SLFN13: variants seen among roughly 807,000 people sequenced by gnomAD.
SLFN13 encodes schlafen-13.
SLFN13 carries 43 observed loss-of-function variants against 50.6 expected under a neutral mutation model. The ratio of observed to expected loss-of-function variants is 0.85; its 90% CI spans 0.67 to 1.09. SLFN13 has a LOEUF of 1.09. SLFN13 is among the 50% of genes least tolerant of loss of function. The pLI is 0.00. For missense variants in SLFN13, 881 were observed against 1,071.1 expected (o/e 0.82, Z 2.48); for synonymous variants, 339 against 386.5 (o/e 0.88, Z 1.44).
rs779968714 is a variant in SLFN13 at position 35,442,079 on chromosome 17, G to A, written c.1406C>T (p.Thr469Ile). The change falls in exon 5 of 6, where the codon ACC (threonine) becomes ATC (isoleucine). Residue 469 changes from threonine (T) to isoleucine (I), a missense_variant. This residue lies in a region of SLFN13 where 15 missense variants were observed against 29.0 expected (regional missense o/e 0.52). Transcript: ENST00000285013. ...CDALLIAQNS[T>I]PILYTILREQ... is the part of the protein sequence containing the mutation. ...CCTGAGAATGGTGTAGAGAATGGGG[G>A]TGCTGTTCTGTGCTATCAGCAGAGC... 6.2e-7 allele frequency: 1 copy of A among 1,614,270 alleles called. No individual in the cohort carries two copies. Among genetic ancestry groups the A allele is most frequent in the Non-Finnish European group, 8.5e-7 (1 of 1,180,024 alleles).
chr17:35,441,329 A>C lies in SLFN13; in HGVS notation c.1960T>G (p.Phe654Val). 1.9e-6 allele frequency: 3 copies of C among 1,611,808 alleles called. No homozygotes were observed. Among genetic ancestry groups the C allele is most frequent in the Non-Finnish European group, 2.5e-6 (3 of 1,179,376 alleles). The change falls in exon 6 of 6, where the codon TTC becomes GTC. Residue 654 changes from phenylalanine (F) to valine (V), a missense_variant. Around this residue, in one of 5 missense-constraint regions of SLFN13, gnomAD observed 322 missense variants for 327.4 expected, o/e 0.98. Transcript: ENST00000285013. ...NICRAETRET[F>V]LREKFEHIQH... The stretch of plus-strand genomic sequence containing the variant: ...ATGTGTTCAAATTTTTCTCTTAGGA[A>C]AGTTTCCCGGGTCTCTGCTCGGCAG...
At position 35,442,197 on chromosome 17, in the gene SLFN13, GC is replaced by G; in HGVS notation, c.1287del (p.Lys429AsnfsTer11). 1.9e-6 allele frequency: 3 copies of G among 1,614,184 alleles called. No homozygotes were observed. The highest frequency in any genetic ancestry group is 2.5e-6 in the Non-Finnish European group (3 of 1,180,020). On this transcript the variant is annotated frameshift_variant, in exon 5 of 6. Coordinates refer to ENST00000285013, the MANE Select transcript of SLFN13 (RefSeq NM_144682.6). LOFTEE classifies it high-confidence loss of function. ...ATTCCCTGGGAGAAAGGTCGCATTTGCTTGTGTATTAACTCCTTTAGTCCTT... is the reference window on the plus strand; with the variant it reads ...ATTCCCTGGGAGAAAGGTCGCATTTGTTGTGTATTAACTCCTTTAGTCCTT... The part of the protein sequence containing the change: ...QHEGLKELIH[K>X]QMRPFSQGIV...
At chr17:35,443,743 T>C in intron 4 of SLFN13, 46 bp downstream of exon 4, 1 of 1,585,568 alleles carries the variant, frequency 6.3e-7, no homozygotes, top group Non-Finnish European at 8.6e-7. Context: ...ACGAAATGTA[T>C]TAAATGACTT....
In SLFN13 at chr17:35,443,893, A is replaced by C; in HGVS notation, c.1094T>G (p.Phe365Cys). ...PEFPPDFAEA[F>C]ESQLSLSDSP... ...GTCAGATAGACTCAACTGAGACTCA[A>C]AGGCCTCAGCAAAGTCTGGAGGAAA... The change falls in exon 4 of 6, where the codon TTT (phenylalanine) becomes TGT (cysteine). Residue 365 changes from phenylalanine to cysteine, a missense_variant. Physicochemically the swap from Phe to Cys is radical, Grantham distance 205. Transcript: ENST00000285013. 1 of 1,613,848 alleles carries C rather than the reference A, an allele frequency of 6.2e-7. No homozygotes were observed. The highest frequency in any genetic ancestry group is 8.5e-7 in the Non-Finnish European group (1 of 1,179,786).
intron 3 of SLFN13, 92 bp from the exon 4 acceptor site, chr17:35,444,012 C>A: frequency 7.5e-7 from 1 of 1,335,120 alleles, no homozygotes; most frequent in Non-Finnish European, 1.0e-6. Flanking sequence ...TTTCATCTAA[C>A]ATGGTACAAG....
intron 4 of SLFN13, among the ~76,000 whole-genome samples, chr17:35,443,289 C>A (rs932665829): frequency 1.3e-5 from 2 of 152,194 alleles, no homozygotes; most frequent in Admixed American, 6.5e-5. Context: ...TCCCTCTAGC[C>A]TCTTCCAAAG....
At position 35,440,622 on chromosome 17, in the gene SLFN13, T is replaced by C; in HGVS notation, c.2667A>G (p.Ala889=). ...PNILICLASR[A]KQHLYIFL ...ACAGAAAAATATATAGGTGCTGTTT[T>C]GCCCTGGAAGCCAGACAGATCAGAA... The change falls in exon 6 of 6, where the codon GCA becomes GCG. Residue 889 remains alanine (A), a synonymous_variant. Transcript: ENST00000285013. 6.2e-7 allele frequency: 1 copy of C among 1,614,182 alleles called. No homozygotes were observed.
Position 35,438,326 on chromosome 17 carries a change from C to G in SLFN13, c.*2269G>C, listed in dbSNP as rs553552271. On this transcript the variant is annotated 3_prime_UTR_variant, in exon 6 of 6. Coordinates refer to ENST00000285013, the MANE Select transcript of SLFN13 (RefSeq NM_144682.6). ...ATATATAAGCTAAACATTTCCTCATCATATGGAAAAAGAAGAAAGCATCAG... is the reference window on the plus strand; with the variant it reads ...ATATATAAGCTAAACATTTCCTCATGATATGGAAAAAGAAGAAAGCATCAG... 3.2e-4 allele frequency: 48 copies of G among 151,766 alleles called. 1 individual carries two copies. The highest frequency in any genetic ancestry group is 1.0e-3 in the African/African-American group (42 of 41,468). 9.4% of individuals were successfully genotyped at this position (151,766 alleles called of 1,614,324 possible).
Position 35,445,629 on chromosome 17 carries a change from C to T in SLFN13, c.52G>A (p.Val18Ile), listed in dbSNP as rs772082057. Reference sequence around the variant, plus strand: ...AGAGTCACTTCTCCGACATCGATGACCAGGTCTGGGTAAGATGGATACACA... The same window carrying T: ...AGAGTCACTTCTCCGACATCGATGATCAGGTCTGGGTAAGATGGATACACA... ...LGVYPSYPDL[V>I]IDVGEVTLGE... is the part of the protein sequence containing the mutation. Residue 18 changes from valine (V) to isoleucine (I), a missense_variant, in exon 3 of 6, where the codon GTC (valine) becomes ATC (isoleucine). Val to Ile is a conservative substitution (Grantham distance 29, BLOSUM62 3). Coordinates refer to ENST00000285013, the MANE Select transcript of SLFN13 (RefSeq NM_144682.6). The T allele has an allele frequency of 3.1e-6, 5 of 1,613,964 alleles. No individual in the cohort carries two copies. The Admixed American group carries it at 8.3e-5, about 27-fold the overall frequency.
intron 4 of SLFN13, 31 bp downstream of exon 4, chr17:35,443,758 C>T (rs1913044362): frequency 1.3e-6 from 2 of 1,595,392 alleles, no homozygotes; most frequent in African/African-American, 2.7e-5. Flanking sequence ...TGACTTCCTT[C>T]TCTCCTGATG....
intron 4 of SLFN13, among the ~76,000 whole-genome samples, chr17:35,443,535 T>G (rs1281465529): frequency 6.6e-6 from 1 of 152,166 alleles, no homozygotes; most frequent in Non-Finnish European, 1.5e-5. Context: ...AATTAAGCGT[T>G]CATAAGTTCT....
At position 35,441,601 on chromosome 17, in the gene SLFN13, G is replaced by A; in HGVS notation, c.1884C>T (p.Leu628=). The part of the protein sequence containing the change: ...NVFHCEAHRI[L]YVCENQPLRN... ...TCAGAGGCTGGTTTTCACAAACGTA[G>A]AGAATTCTGTGTGCCTCACAGTGAA... The change falls in exon 5 of 6, where the codon CTC becomes CTT. Residue 628 remains leucine (L), a synonymous_variant. Coordinates refer to ENST00000285013, the MANE Select transcript of SLFN13 (RefSeq NM_144682.6). 1 of 1,586,676 alleles carries A rather than the reference G, an allele frequency of 6.3e-7. No individual in the cohort carries two copies. Among genetic ancestry groups the A allele is most frequent in the East Asian group, 2.2e-5 (1 of 44,808 alleles).
In SLFN13 at chr17:35,438,909, T is replaced by C. The variant is rs1912713552; in HGVS notation, c.*1686A>G. On this transcript the variant is annotated 3_prime_UTR_variant, in exon 6 of 6. Transcript: ENST00000285013. ...GTAATTGCATTAGCATTGTTAAGTATCAGTGTTTTTAGTTTGATGAATGAT... is the reference window on the plus strand; with the variant it reads ...GTAATTGCATTAGCATTGTTAAGTACCAGTGTTTTTAGTTTGATGAATGAT... 1 of 152,164 alleles carries C rather than the reference T, an allele frequency of 6.6e-6. No homozygotes were observed. The highest frequency in any genetic ancestry group is 1.5e-5 in the Non-Finnish European group (1 of 68,026). The allele number at this position is 152,164 out of a possible 1,614,324, so 9.4% of individuals were successfully genotyped here.
Position 35,443,879 on chromosome 17 carries a change from T to C in SLFN13, c.1108A>G (p.Ser370Gly). 4 of 1,613,910 alleles carry C rather than the reference T, an allele frequency of 2.5e-6. No homozygotes were observed. The highest frequency in any genetic ancestry group is 2.2e-5 in the South Asian group (2 of 91,064). Reference sequence around the variant, plus strand: ...CAAAGTGAAGGACTGTCAGATAGACTCAACTGAGACTCAAAGGCCTCAGCA... The same window carrying C: ...CAAAGTGAAGGACTGTCAGATAGACCCAACTGAGACTCAAAGGCCTCAGCA... ...DFAEAFESQL[S>G]LSDSPSLCRP... The change falls in exon 4 of 6, where the codon AGT (serine) becomes GGT (glycine). Residue 370 changes from serine to glycine, a missense_variant. Transcript: ENST00000285013.
At position 35,435,323 on chromosome 17, in the gene SLFN13, TG is replaced by T. The variant is rs1471019780; in HGVS notation, c.*5271del. The stretch of plus-strand genomic sequence containing the variant: ...CGGGGAGGGGGTTGGGGGGTTGTTC[TG>T]GTTGTTTTTAGCCCACTGCAGCCTT... On this transcript the variant is annotated 3_prime_UTR_variant, in exon 6 of 6. Coordinates refer to ENST00000285013, the MANE Select transcript of SLFN13 (RefSeq NM_144682.6). The T allele has an allele frequency of 2.0e-5, 3 of 152,118 alleles. No homozygotes were observed. The highest frequency in any genetic ancestry group is 3.9e-4 in the East Asian group (2 of 5,190). 9.4% of individuals were successfully genotyped at this position (152,118 alleles called of 1,614,324 possible).
chr17:35,441,746 T>C lies in SLFN13; in HGVS notation c.1739A>G (p.Gln580Arg), dbSNP rs1912908900. The part of the protein sequence containing the change: ...GCEVLNLLTA[Q>R]QYEIFSRSLR... ...GCTTCTGGAGAATATCTCATACTGC[T>C]GGGCTGTGAGCAGATTTAAAACCTC... is the stretch of plus-strand genomic sequence containing the variant. Residue 580 changes from glutamine (Q) to arginine (R), a missense_variant, in exon 5 of 6, where the codon CAG becomes CGG. Coordinates refer to ENST00000285013, the MANE Select transcript of SLFN13 (RefSeq NM_144682.6). The C allele has an allele frequency of 6.5e-7, 1 of 1,544,770 alleles. No homozygotes were observed. The highest frequency in any genetic ancestry group is 2.3e-5 in the East Asian group (1 of 43,020).
Position 35,442,289 on chromosome 17 carries a change from A to G in SLFN13, c.1199-3T>C, listed in dbSNP as rs1311562881. 4.5e-6 allele frequency: 7 copies of G among 1,555,054 alleles called. No homozygotes were observed. Among genetic ancestry groups the G allele is most frequent in the Non-Finnish European group, 6.1e-6 (7 of 1,152,922 alleles). ...ACATTCCAAATGTCCTGGTGGAACT[A>G]GACAGGAAGAAAATAGAAAGATGTT... On this transcript the variant is annotated splice_polypyrimidine_tract_variant and splice_region_variant and intron_variant, in intron 4 of 5. Coordinates refer to ENST00000285013, the MANE Select transcript of SLFN13 (RefSeq NM_144682.6).
At chr17:35,444,552 G>T in intron 3 of SLFN13, 63 bp downstream of exon 3, 1 of 1,405,852 alleles carries the variant, frequency 7.1e-7, no homozygotes, top group South Asian at 1.3e-5. Flanking sequence ...AGAGAATAAA[G>T]AAGGAAGTGG....
Position 35,444,877 on chromosome 17 carries a change from A to G in SLFN13, c.804T>C (p.Ser268=). The change falls in exon 3 of 6, where the codon TCT becomes TCC. Residue 268 remains serine (S), a synonymous_variant. Coordinates refer to ENST00000285013, the MANE Select transcript of SLFN13 (RefSeq NM_144682.6). ...TTGCTCTTGCAATTACATTTTTCAA[A>G]GAGTCAGGGTCAACCTGTTCTTTGG... ...GCAKEQVDPD[S]LKNVIARAIS... 6.2e-7 allele frequency: 1 copy of G among 1,614,272 alleles called. No individual in the cohort carries two copies. The highest frequency in any genetic ancestry group is 1.1e-5 in the South Asian group (1 of 91,090).
Sources: allele counts gnomAD v4.1 joint callset (sites outside exome capture counted in the v4.1 genomes callset), GRCh38; gene constraint gnomAD v4.1.1; regional missense constraint gnomAD v4.1.1; transcripts MANE v1.5; gene names NCBI Gene and HGNC (gene_info 2026-07-23, HGNC 2026-07-21).